The following GLIS3 variants were observed in gnomAD, a reference collection of about 807,000 sequenced individuals.
GLIS3 encodes zinc finger protein GLIS3.
GLIS3 carries 53 observed loss-of-function variants against 78.6 expected under a neutral mutation model. The observed-to-expected ratio is 0.67, with a 90% confidence interval of 0.54 to 0.85. The LOEUF is 0.85. Ranked by LOEUF, GLIS3 falls within the 40% of genes least tolerant of loss-of-function variation. GLIS3 has a pLI of 0.00. For synonymous variants in GLIS3, 684 were observed against 509.9 expected (o/e 1.34, Z -4.60); for missense variants, 1,703 against 1,231.1 (o/e 1.38, Z -5.74).
chr9:4,192,404 A>C (rs1818407783), intron 2 of GLIS3, among the ~76,000 whole-genome samples: 1 of 152,254 alleles, frequency 6.6e-6, no homozygotes, highest in Non-Finnish European at 1.5e-5. Flanking sequence ...TGAATAGTTA[A>C]GCATAGTTTA....
chr9:4,316,862 G>C (rs1817445071), intron 2 of GLIS3, among the ~76,000 whole-genome samples: 1 of 126,640 alleles, frequency 7.9e-6, no homozygotes, highest in African/African-American at 3.4e-5. Flanking sequence ...AAGTGTTGGT[G>C]ATCTTTATTT....
At chr9:3,882,569 G>A (rs1178483928) in intron 7 of GLIS3, among the ~76,000 whole-genome samples, 1 of 152,182 alleles carries the variant, frequency 6.6e-6, no homozygotes, top group African/African-American at 2.4e-5. Flanking sequence ...ATAGGGCTGA[G>A]GGCTCCAGAA....
intron 4 of GLIS3, among the ~76,000 whole-genome samples, chr9:3,958,015 T>C (rs992789841): frequency 3.3e-5 from 5 of 152,236 alleles, no homozygotes; most frequent in Non-Finnish European, 5.9e-5. Context: ...AAGTTCTTTA[T>C]GAAAAGCTAA....
chr9:3,913,654 G>A (rs900053788), intron 6 of GLIS3, among the ~76,000 whole-genome samples: 1 of 152,178 alleles, frequency 6.6e-6, no homozygotes, highest in Non-Finnish European at 1.5e-5. Context: ...GTCCCTTGAA[G>A]TTTTCCCAGC....
At chr9:4,183,919 G>A (rs1463277766) in intron 2 of GLIS3, among the ~76,000 whole-genome samples, 1 of 152,148 alleles carries the variant, frequency 6.6e-6, no homozygotes, top group Non-Finnish European at 1.5e-5. Flanking sequence ...GTCTAGCATA[G>A]TAGGCATTTT....
chr9:3,934,526 C>T (rs1442506406), intron 5 of GLIS3, among the ~76,000 whole-genome samples: 1 of 151,954 alleles, frequency 6.6e-6, no homozygotes, highest in Non-Finnish European at 1.5e-5. Context: ...TCTCCTGCCT[C>T]AGCCTCCCGG....
At chr9:3,936,511 A>C (rs1322751830) in intron 5 of GLIS3, among the ~76,000 whole-genome samples, 1 of 152,160 alleles carries the variant, frequency 6.6e-6, no homozygotes, top group East Asian at 1.9e-4. Flanking sequence ...GATCAGCTGA[A>C]GGTGAAAATA....
At chr9:4,204,406 G>C (rs1291344641) in intron 2 of GLIS3, among the ~76,000 whole-genome samples, 1 of 152,120 alleles carries the variant, frequency 6.6e-6, no homozygotes, top group Non-Finnish European at 1.5e-5. Flanking sequence ...TACATCTGCA[G>C]GCAGAAGCTG....
At chr9:3,881,922 A>C (rs1019619939) in intron 7 of GLIS3, among the ~76,000 whole-genome samples, 2 of 152,252 alleles carry the variant, frequency 1.3e-5, no homozygotes, top group Non-Finnish European at 2.9e-5. Context: ...GCTCTGGCCA[A>C]ACCAGACAAC....
chr9:4,272,527 T>C (rs1158414792), intron 2 of GLIS3, among the ~76,000 whole-genome samples: 1 of 152,214 alleles, frequency 6.6e-6, no homozygotes, highest in Non-Finnish European at 1.5e-5. Flanking sequence ...CTCTCTGTTC[T>C]CTTATTTTCA....
intron 2 of GLIS3, among the ~76,000 whole-genome samples, chr9:4,189,948 T>C (rs1412945099): frequency 6.6e-6 from 1 of 151,924 alleles, no homozygotes; most frequent in African/African-American, 2.4e-5. Flanking sequence ...TCTAGCAAAC[T>C]CCAAGAGACC....
the GLIS3 span, among the ~76,000 whole-genome samples, chr9:4,374,091 C>T: frequency 6.6e-6 from 1 of 152,190 alleles, no homozygotes; most frequent in Non-Finnish European, 1.5e-5. Context: ...GGCGGATACA[C>T]GAAATCTGTC....
intron 4 of GLIS3, among the ~76,000 whole-genome samples, chr9:4,044,111 A>G (rs1264117980): frequency 6.6e-6 from 1 of 152,228 alleles, no homozygotes; most frequent in Non-Finnish European, 1.5e-5. Flanking sequence ...AGAGAAGCTG[A>G]GCAACCTTCT....
chr9:4,304,449 G>A (rs182359738), upstream of GLIS3, among the ~76,000 whole-genome samples: 1 of 152,164 alleles, frequency 6.6e-6, no homozygotes, highest in South Asian at 2.1e-4. Flanking sequence ...ATAAGGAGGA[G>A]AGCCTGTCTG....
At chr9:3,966,523 C>T (rs1344408690) in intron 4 of GLIS3, among the ~76,000 whole-genome samples, 3 of 151,654 alleles carry the variant, frequency 2.0e-5, no homozygotes, top group Non-Finnish European at 2.9e-5. Context: ...AGGCCAGGCG[C>T]GGTGACTCAC....
At chr9:4,253,153 C>T (rs576317737) in intron 2 of GLIS3, among the ~76,000 whole-genome samples, 1 of 152,358 alleles carries the variant, frequency 6.6e-6, no homozygotes, top group Non-Finnish European at 1.5e-5. Context: ...GCTGGGAGAT[C>T]CGCTGCTCTC....
intron 4 of GLIS3, among the ~76,000 whole-genome samples, chr9:3,964,223 T>TA (rs908155884): frequency 4.3e-4 from 66 of 152,352 alleles, no homozygotes; most frequent in African/African-American, 1.6e-3. Flanking sequence ...GTCTCTCACA[T>TA]AGCCTTTTGT....
chr9:4,087,611 AAT>A (rs1829144324), intron 4 of GLIS3, among the ~76,000 whole-genome samples: 1 of 152,212 alleles, frequency 6.6e-6, no homozygotes, highest in Admixed American at 6.5e-5. Context: ...AGAGCTTAAA[AAT>A]AGAGTTGTAT....
intron 2 of GLIS3, among the ~76,000 whole-genome samples, chr9:4,332,741 T>G (rs1011369974): frequency 6.6e-6 from 1 of 152,254 alleles, no homozygotes; most frequent in Admixed American, 6.5e-5. Context: ...TCATGTGCTC[T>G]CTATTGATAC....
Sources: allele counts gnomAD v4.1 joint callset (sites outside exome capture counted in the v4.1 genomes callset), GRCh38; gene constraint gnomAD v4.1.1; transcripts MANE v1.5; gene names NCBI Gene and HGNC (gene_info 2026-07-23, HGNC 2026-07-21).